The following VPS54 variants were observed in gnomAD, a reference collection of about 807,000 sequenced individuals.
The protein encoded by VPS54 is vacuolar protein sorting-associated protein 54.
Under a neutral mutation model 121.5 loss-of-function variants are expected in VPS54, and 45 were observed. That is an observed-to-expected ratio of 0.37 (90% CI 0.29 to 0.47). VPS54 has a LOEUF of 0.47. VPS54 is among the 20% of genes least tolerant of loss of function. VPS54 has a pLI of 0.99. For missense variants in VPS54, 1,090 were observed against 1,131.4 expected (o/e 0.96, Z 0.52); for synonymous variants, 371 against 385.8 (o/e 0.96, Z 0.45).
At chr2:64,001,755 A>C (rs1316985548) in intron 1 of VPS54, among the ~76,000 whole-genome samples, 1 of 151,560 alleles carries the variant, frequency 6.6e-6, no homozygotes, top group Non-Finnish European at 1.5e-5. Flanking sequence ...AGTCCTCTTT[A>C]CTCTTCCTTC....
intron 1 of VPS54, among the ~76,000 whole-genome samples, chr2:63,994,076 GA>G (rs1338664750): frequency 1.3e-5 from 2 of 152,136 alleles, no homozygotes; most frequent in Non-Finnish European, 2.9e-5. Context: ...CAGATGTGGT[GA>G]GATCTGTGCC....
intron 15 of VPS54, among the ~76,000 whole-genome samples, chr2:63,918,568 C>T (rs1267520202): frequency 2.0e-5 from 3 of 151,898 alleles, no homozygotes; most frequent in African/African-American, 7.2e-5. Flanking sequence ...CTCTACCACC[C>T]AACACTATTA....
chr2:63,960,204 C>T (rs1447161050), intron 7 of VPS54, among the ~76,000 whole-genome samples: 1 of 151,960 alleles, frequency 6.6e-6, no homozygotes, highest in Non-Finnish European at 1.5e-5. Context: ...CACCACTGCA[C>T]TCTAGCCTGG....
intron 20 of VPS54, among the ~76,000 whole-genome samples, chr2:63,900,846 T>C (rs909087012): frequency 3.9e-5 from 6 of 152,248 alleles, no homozygotes; most frequent in South Asian, 2.1e-4. Flanking sequence ...CATTGCAACC[T>C]CTGCCTCCCA....
At chr2:63,918,563 C>T (rs994214642) in intron 15 of VPS54, among the ~76,000 whole-genome samples, 1 of 151,932 alleles carries the variant, frequency 6.6e-6, no homozygotes, top group Non-Finnish European at 1.5e-5. Flanking sequence ...GAAAACTCTA[C>T]CACCCAACAC....
chr2:63,916,951 C>T lies in VPS54; in HGVS notation c.2177G>A (p.Arg726Lys), dbSNP rs1456917001. 1 of 1,613,436 alleles carries T rather than the reference C, an allele frequency of 6.2e-7. No individual in the cohort carries two copies. The highest frequency in any genetic ancestry group is 1.3e-5 in the African/African-American group (1 of 74,896). Residue 726 changes from arginine (R) to lysine (K), a missense_variant, in exon 16 of 23, where the codon AGG becomes AAG. By Grantham distance (26) the Arg-to-Lys change is conservative. Coordinates refer to ENST00000272322, the MANE Select transcript of VPS54 (RefSeq NM_016516.3). ...GACAATAAGAACTTCAGCTGGTTTCCTTTCTTCTGTGGCTACAGAGTTAAG... is the reference window on the plus strand; with the variant it reads ...GACAATAAGAACTTCAGCTGGTTTCTTTTCTTCTGTGGCTACAGAGTTAAG... ...PEKKSGATEE[R>K]KPAEVLIVEG... is the part of the protein sequence containing the mutation.
chr2:63,996,095 T>A lies in VPS54; in HGVS notation c.-20-12076A>T, dbSNP rs1030516223. Among the ~76,000 whole-genome samples, 26 of 152,298 alleles carry A rather than the reference T, an allele frequency of 1.7e-4. 1 individual carries two copies. The highest frequency in any genetic ancestry group is 1.7e-3 in the Admixed American group (26 of 15,304). ...TCAAAATCGAGAGAACAAGCCTTCA[T>A]CACCATGGCACATTTATATAAAAAG... On this transcript the variant is annotated intron_variant, in intron 1 of 22. Transcript: ENST00000272322.
rs553109765 is a variant in VPS54, at chr2:63,963,789, G to A, written c.625-1346C>T. 5.3e-5 allele frequency among the ~76,000 whole-genome samples: 8 copies of A among 152,198 alleles called. No individual in the cohort carries two copies. The Middle Eastern group carries it at 0.014, about 259-fold the overall frequency. ...ACTAGGGTAAATTGCAAGGTAACATGGACTCAATTCCCAGAATAGTAAATG... is the reference window on the plus strand; with the variant it reads ...ACTAGGGTAAATTGCAAGGTAACATAGACTCAATTCCCAGAATAGTAAATG... On this transcript the variant is annotated intron_variant, in intron 6 of 22. Transcript: ENST00000272322.
intron 3 of VPS54, among the ~76,000 whole-genome samples, chr2:63,977,436 A>G (rs908911149): frequency 6.6e-6 from 1 of 152,160 alleles, no homozygotes; most frequent in African/African-American, 2.4e-5. Context: ...ACACATTTTT[A>G]TAAGTTTGTA....
intron 1 of VPS54, among the ~76,000 whole-genome samples, chr2:63,994,205 C>A (rs1004764415): frequency 7.2e-5 from 11 of 152,180 alleles, no homozygotes; most frequent in African/African-American, 2.7e-4. Flanking sequence ...TTTCTCCTTA[C>A]AAACCTAAAA....
At chr2:63,992,325 G>A (rs1443396133) in intron 1 of VPS54, among the ~76,000 whole-genome samples, 1 of 152,186 alleles carries the variant, frequency 6.6e-6, no homozygotes, top group African/African-American at 2.4e-5. Context: ...AGATACTGGG[G>A]CTTAAATTAA....
chr2:63,938,441 A>C (rs1487064207), intron 11 of VPS54, among the ~76,000 whole-genome samples: 1 of 152,020 alleles, frequency 6.6e-6, no homozygotes, highest in East Asian at 1.9e-4. Flanking sequence ...GAGGACTGGG[A>C]CTTTCAGCCC....
At chr2:63,955,343 C>CA (rs1314690838) in intron 7 of VPS54, among the ~76,000 whole-genome samples, 3 of 151,670 alleles carry the variant, frequency 2.0e-5, no homozygotes, top group Admixed American at 1.3e-4. Flanking sequence ...TTATGAAGAT[C>CA]ATTGATTCTT....
Position 63,964,552 on chromosome 2 carries a change from G to A in VPS54, c.624+1283C>T, listed in dbSNP as rs1675904408. Among the ~76,000 whole-genome samples, 2 of 152,198 alleles carry A rather than the reference G, an allele frequency of 1.3e-5. 1 individual carries two copies. Among genetic ancestry groups the A allele is most frequent in the Admixed American group, 1.3e-4 (2 of 15,278 alleles). On this transcript the variant is annotated intron_variant, in intron 6 of 22. Coordinates refer to ENST00000272322, the MANE Select transcript of VPS54 (RefSeq NM_016516.3). Reference sequence around the variant, plus strand: ...GAAAGCCTGTGTCATGAGCAAGCCTGTGTCTCTAAACCCATGGTTTTCGTC... The same window carrying A: ...GAAAGCCTGTGTCATGAGCAAGCCTATGTCTCTAAACCCATGGTTTTCGTC...
intron 20 of VPS54, among the ~76,000 whole-genome samples, chr2:63,902,535 T>C (rs1672722694): frequency 6.6e-6 from 1 of 151,748 alleles, no homozygotes; most frequent in Non-Finnish European, 1.5e-5. Flanking sequence ...TTCTTCTACA[T>C]ACAAGGTTCA....
At chr2:64,005,098 T>A (rs1208540067) in intron 1 of VPS54, among the ~76,000 whole-genome samples, 2 of 93,996 alleles carry the variant, frequency 2.1e-5, no homozygotes, top group East Asian at 2.9e-4. Flanking sequence ...TCTTTTTTTT[T>A]TTTTTTTTTT....
chr2:63,893,839 T>G (rs894455728), intron 22 of VPS54, among the ~76,000 whole-genome samples: 3 of 152,004 alleles, frequency 2.0e-5, no homozygotes, highest in Admixed American at 1.3e-4. Context: ...ACAGAGAAAA[T>G]AACAGGCTAA....
At chr2:63,912,710 G>T (rs1307569414) in intron 18 of VPS54, 49 bp from the exon 19 acceptor site, 2 of 1,504,446 alleles carry the variant, frequency 1.3e-6, no homozygotes, top group Admixed American at 2.6e-5. Context: ...AAAAAAAAAA[G>T]GTATTAGTTG....
intron 20 of VPS54, among the ~76,000 whole-genome samples, chr2:63,910,278 T>A (rs1673092118): frequency 6.6e-6 from 1 of 152,126 alleles, no homozygotes; most frequent in Non-Finnish European, 1.5e-5. Context: ...ATAGGAAAAG[T>A]CATCAATGGA....
Sources: gnomAD v4.1 joint callset for allele counts (sites outside exome capture counted in the v4.1 genomes callset) on GRCh38, gnomAD v4.1.1 for gene constraint, MANE v1.5 for transcripts, NCBI Gene and HGNC (gene_info 2026-07-23, HGNC 2026-07-21) for gene names.